Variants in NOTUM observed in about 807,000 individuals in gnomAD.
The protein encoded by NOTUM is palmitoleoyl-protein carboxylesterase NOTUM.
NOTUM carries 36 observed loss-of-function variants against 65.5 expected under a neutral mutation model. The observed-to-expected ratio is 0.55, with a 90% confidence interval of 0.42 to 0.73. The LOEUF is 0.73. Among genes scored for constraint, NOTUM ranks in the 30% least tolerant of loss-of-function variants. The pLI, the probability that NOTUM is intolerant of heterozygous loss-of-function variation, is 0.00. For synonymous variants in NOTUM, 356 were observed against 297.9 expected (o/e 1.20, Z -2.01); for missense variants, 659 against 694.2 (o/e 0.95, Z 0.57).
chr17:81,957,164 G>C (rs1037598998), intron 6 of NOTUM, 90 bp from the exon 7 acceptor site: 50 of 1,072,266 alleles, frequency 4.7e-5, no homozygotes, highest in Middle Eastern at 2.8e-4. Context: ...TGCCCCGAGG[G>C]GGGCAGGAGT....
In NOTUM at chr17:81,960,158, G is replaced by C. The variant is rs1197321992; in HGVS notation, c.323+429C>G. ...CTCCCGCTGTCCCCGGCTGTCCTCG[G>C]CCTGTTGAGCGCGTGGGCGGCCCCG... is the stretch of plus-strand genomic sequence containing the variant. On this transcript the variant is annotated intron_variant, in intron 1 of 10. Coordinates refer to ENST00000409678, the MANE Select transcript of NOTUM (RefSeq NM_178493.6). The surrounding 1 kb of genome is among the most constrained non-coding windows in gnomAD (Gnocchi z 6.4). Among the ~76,000 whole-genome samples, 1 of 152,114 alleles carries C rather than the reference G, an allele frequency of 6.6e-6. No homozygotes were observed. The highest frequency in any genetic ancestry group is 2.4e-5 in the African/African-American group (1 of 41,442).
chr17:81,959,986 CGCG>C (rs1267944705), intron 1 of NOTUM, among the ~76,000 whole-genome samples: 1 of 151,848 alleles, frequency 6.6e-6, no homozygotes, highest in Non-Finnish European at 1.5e-5. Flanking sequence ...TCCCGGGGCG[CGCG>C]GCGGCGCTTG....
At chr17:81,953,365 G>A (rs35021281) in intron 10 of NOTUM, 98 bp from the exon 11 acceptor site, 364,333 of 759,802 alleles carry the variant, frequency 0.48, 90,732 homozygotes, top group Non-Finnish European at 0.52. Flanking sequence ...GCAGGATCTC[G>A]GCTCACTGCA....
chr17:81,960,993 G>A lies in NOTUM; in HGVS notation c.-84C>T. 1.5e-6 allele frequency: 1 copy of A among 672,376 alleles called. No individual in the cohort carries two copies. The highest frequency in any genetic ancestry group is 6.9e-5 in the South Asian group (1 of 14,436). 41.7% of individuals were successfully genotyped at this position (672,376 alleles called of 1,614,324 possible). ...ATGCCGGGCCGGGGGTGCCGGGCCG[G>A]GGGTGTCGGGGGCACTGGCCGCTCC... is the stretch of plus-strand genomic sequence containing the variant. On this transcript the variant is annotated 5_prime_UTR_variant, in exon 1 of 11. Coordinates refer to ENST00000409678, the MANE Select transcript of NOTUM (RefSeq NM_178493.6). The surrounding 1 kb of genome is among the most constrained non-coding windows in gnomAD (Gnocchi z 6.4).
chr17:81,958,487 C>A (rs1024715227), intron 4 of NOTUM, 94 bp from the exon 5 acceptor site: 1 of 828,086 alleles, frequency 1.2e-6, no homozygotes, highest in Non-Finnish European at 2.1e-6. Flanking sequence ...AAAAGACCAT[C>A]CCAGGACAGG....
intron 6 of NOTUM, 52 bp from the exon 7 acceptor site, chr17:81,957,126 TC>T (rs745444193): frequency 6.8e-6 from 10 of 1,473,276 alleles, no homozygotes; most frequent in Non-Finnish European, 8.3e-6. Flanking sequence ...GGCACTCACC[TC>T]CCCCGAGTCT....
At position 81,960,964 on chromosome 17, in the gene NOTUM, GGGGATGCCGGGC is replaced by G. The variant is rs1319102934; in HGVS notation, c.-67_-56del. The G allele has an allele frequency of 1.9e-6, 2 of 1,039,028 alleles. No homozygotes were observed. Among genetic ancestry groups the G allele is most frequent in the East Asian group, 8.0e-5 (2 of 25,148 alleles). The allele number at this position is 1,039,028 out of a possible 1,614,324, so 64.4% of individuals were successfully genotyped here. Reference sequence around the variant, plus strand: ...CCTTGAGGCGGCGGCGGCGGCGGCGGGGGATGCCGGGCCGGGGGTGCCGGGCCGGGGGTGTCG... The same window carrying G: ...CCTTGAGGCGGCGGCGGCGGCGGCGGCGGGGGTGCCGGGCCGGGGGTGTCG... On this transcript the variant is annotated 5_prime_UTR_variant, in exon 1 of 11. Coordinates refer to ENST00000409678, the MANE Select transcript of NOTUM (RefSeq NM_178493.6). This position sits in a 1 kb window ranked among gnomAD's most constrained non-coding sequence, Gnocchi z 6.4.
rs1169287896 is a variant in NOTUM, at chr17:81,961,097, G to C, written c.-188C>G. On this transcript the variant is annotated 5_prime_UTR_variant, in exon 1 of 11. Transcript: ENST00000409678. ...GCTCGGCGTCGAGGCGCTCGGGGCCGGGTGCCGTCGGCCTCCGCAGCTGGG... is the reference window on the plus strand; with the variant it reads ...GCTCGGCGTCGAGGCGCTCGGGGCCCGGTGCCGTCGGCCTCCGCAGCTGGG... 2 of 157,966 alleles carry C rather than the reference G, an allele frequency of 1.3e-5. No individual in the cohort carries two copies. Among genetic ancestry groups the C allele is most frequent in the African/African-American group, 4.9e-5 (2 of 41,096 alleles). 9.8% of individuals were successfully genotyped at this position (157,966 alleles called of 1,614,324 possible).
In NOTUM at chr17:81,956,918, C is replaced by T. The variant is rs774167126; in HGVS notation, c.852G>A (p.Thr284=). ...YRHTDCVDTI[T]CAPTEAIRRG... ...GGCGGATGGCCTCCGTGGGCGCGCACGTGATCGTGTCGACGCAGTCTGTGT... is the reference window on the plus strand; with the variant it reads ...GGCGGATGGCCTCCGTGGGCGCGCATGTGATCGTGTCGACGCAGTCTGTGT... Residue 284 remains threonine, a synonymous_variant, in exon 7 of 11, where the codon ACG becomes ACA. Transcript: ENST00000409678. 1.6e-5 allele frequency: 26 copies of T among 1,612,404 alleles called. No individual in the cohort carries two copies. Among genetic ancestry groups the T allele is most frequent in the South Asian group, 9.9e-5 (9 of 91,084 alleles).
intron 3 of NOTUM, 118 bp downstream of exon 3, chr17:81,959,353 C>T: frequency 2.6e-6 from 2 of 770,048 alleles, no homozygotes; most frequent in East Asian, 2.7e-5. Flanking sequence ...CTTAGTAAAC[C>T]CGGGCGCCAG....
chr17:81,957,940 G>A, intron 5 of NOTUM, 32 bp from the exon 6 acceptor site: 1 of 1,492,560 alleles, frequency 6.7e-7, no homozygotes, highest in Non-Finnish European at 9.2e-7. Context: ...CTCAGGTAGG[G>A]GCCTGGACAG....
intron 6 of NOTUM, 89 bp from the exon 7 acceptor site, chr17:81,957,163 G>A (rs568695867): frequency 1.2e-5 from 13 of 1,064,924 alleles, no homozygotes; most frequent in Non-Finnish European, 1.6e-5. Flanking sequence ...GTGCCCCGAG[G>A]GGGGCAGGAG....
In NOTUM at chr17:81,954,310, G is replaced by T. The variant is rs765430453; in HGVS notation, c.1137-7C>A. The T allele has an allele frequency of 6.2e-7, 1 of 1,611,134 alleles. No homozygotes were observed. Among genetic ancestry groups the T allele is most frequent in the African/African-American group, 1.3e-5 (1 of 74,972 alleles). On this transcript the variant is annotated splice_region_variant and splice_polypyrimidine_tract_variant and intron_variant, in intron 9 of 10. Coordinates refer to ENST00000409678, the MANE Select transcript of NOTUM (RefSeq NM_178493.6). Reference sequence around the variant, plus strand: ...GGCGGGGGCAAAGCTGGCCCTGTTGGAGAGGAGACAGTGGCTTGTGAGCTC... The same window carrying T: ...GGCGGGGGCAAAGCTGGCCCTGTTGTAGAGGAGACAGTGGCTTGTGAGCTC...
intron 10 of NOTUM, among the ~76,000 whole-genome samples, chr17:81,953,876 G>C (rs992419965): frequency 6.6e-6 from 1 of 151,582 alleles, no homozygotes; most frequent in African/African-American, 2.4e-5. Flanking sequence ...CTGTCTCCCA[G>C]GTTCAAGCGA....
chr17:81,960,451 C>G lies in NOTUM; in HGVS notation c.323+136G>C. The G allele has an allele frequency of 1.7e-6, 1 of 592,032 alleles. No individual in the cohort carries two copies. Among genetic ancestry groups the G allele is most frequent in the Non-Finnish European group, 2.8e-6 (1 of 360,572 alleles). 36.7% of individuals were successfully genotyped at this position (592,032 alleles called of 1,614,324 possible). On this transcript the variant is annotated intron_variant, in intron 1 of 10. Coordinates refer to ENST00000409678, the MANE Select transcript of NOTUM (RefSeq NM_178493.6). This position sits in a 1 kb window ranked among gnomAD's most constrained non-coding sequence, Gnocchi z 6.4. The stretch of plus-strand genomic sequence containing the variant: ...CGGAGAGTCACCGAACCGGGCACTC[C>G]TCGGGGCCAGGACCGCGGGGCGCCC...
chr17:81,957,007 G>T lies in NOTUM; in HGVS notation c.763C>A (p.Pro255Thr), dbSNP rs145177151. ...VAEQLEKLGYPAIQVRGLADS... is the reference protein window; with the variant it reads ...VAEQLEKLGYTAIQVRGLADS... ...GCCAGGCCTCGCACCTGGATGGCTG[G>T]GTAGCCCAGCTTCTCCAGCTGCTCA... Residue 255 changes from proline to threonine, a missense_variant, in exon 7 of 11, where the codon CCA becomes ACA. Transcript: ENST00000409678. 6.2e-7 allele frequency: 1 copy of T among 1,612,094 alleles called. No individual in the cohort carries two copies. The highest frequency in any genetic ancestry group is 1.3e-5 in the African/African-American group (1 of 75,046).
rs1380715680 is a variant in NOTUM, at chr17:81,955,503, G to C, written c.1030C>G (p.Leu344Val). The C allele has an allele frequency of 1.2e-6, 2 of 1,611,424 alleles. No homozygotes were observed. The highest frequency in any genetic ancestry group is 1.7e-6 in the Non-Finnish European group (2 of 1,179,436). The stretch of plus-strand genomic sequence containing the variant: ...GTCAGGTGCACGTTGTCCACCGTCA[G>C]CTGTGCCTCGTCAAACAGCCACTGC... The part of the protein sequence containing the change: ...VVQWLFDEAQ[L>V]TVDNVHLTGQ... The change falls in exon 9 of 11, where the codon CTG becomes GTG. Residue 344 changes from leucine to valine, a missense_variant. Coordinates refer to ENST00000409678, the MANE Select transcript of NOTUM (RefSeq NM_178493.6).
intron 5 of NOTUM, 28 bp downstream of exon 5, chr17:81,958,307 G>T (rs778768514): frequency 1.5e-5 from 23 of 1,542,074 alleles, no homozygotes; most frequent in Non-Finnish European, 1.7e-5. Flanking sequence ...TCCCTGCCCT[G>T]CCATGCCCTG....
Position 81,960,564 on chromosome 17 carries a change from G to A in NOTUM, c.323+23C>T. 1 of 1,438,094 alleles carries A rather than the reference G, an allele frequency of 7.0e-7. No homozygotes were observed. The highest frequency in any genetic ancestry group is 9.3e-7 in the Non-Finnish European group (1 of 1,075,880). The allele number at this position is 1,438,094 out of a possible 1,614,324, so 89.1% of individuals were successfully genotyped here. ...GACCGGGCGCGTCGGGCGGGGCGGG[G>A]AGGTGCAGGGCGCGGGCCTTACCCG... On this transcript the variant is annotated intron_variant, in intron 1 of 10. Coordinates refer to ENST00000409678, the MANE Select transcript of NOTUM (RefSeq NM_178493.6). The surrounding 1 kb of genome is among the most constrained non-coding windows in gnomAD (Gnocchi z 6.4).
Sources: allele counts gnomAD v4.1 joint callset (sites outside exome capture counted in the v4.1 genomes callset), GRCh38; gene constraint gnomAD v4.1.1; non-coding constraint Gnocchi (gnomAD v3.1); transcripts MANE v1.5; gene names NCBI Gene and HGNC (gene_info 2026-07-23, HGNC 2026-07-21).